Variants in ATR observed in about 807,000 individuals in gnomAD.
The protein encoded by ATR is ATR checkpoint kinase.
In ATR, 142 loss-of-function variants were observed where a neutral mutation model predicts 305.3. The observed-to-expected ratio is 0.47, with a 90% CI of 0.41 to 0.53. The LOEUF is 0.53. Ranked by LOEUF, ATR falls within the 20% of genes least tolerant of loss-of-function variation. The pLI is 0.00. For missense variants in ATR, 2,135 were observed against 3,133.1 expected (o/e 0.68, Z 7.60); for synonymous variants, 1,050 against 1,068.1 (o/e 0.98, Z 0.33).
intron 41 of ATR, 63 bp from the exon 42 acceptor site, chr3:142,462,153 C>CAAAT: frequency 6.9e-7 from 1 of 1,451,224 alleles, no homozygotes; most frequent in Non-Finnish European, 9.5e-7. Context: ...AATGTTATAT[C>CAAAT]AAATATATTT....
chr3:142,532,328 A>G (rs952748143), intron 21 of ATR, among the ~76,000 whole-genome samples: 1 of 152,172 alleles, frequency 6.6e-6, no homozygotes, highest in African/African-American at 2.4e-5. Context: ...CATTGCCATA[A>G]AAGTTTATTT....
At chr3:142,485,701 A>G (rs1338492954) in intron 35 of ATR, among the ~76,000 whole-genome samples, 1 of 152,224 alleles carries the variant, frequency 6.6e-6, no homozygotes, top group Non-Finnish European at 1.5e-5. Context: ...TCAAGTCTCT[A>G]AAGAGTGTAG....
chr3:142,503,257 A>G, intron 30 of ATR, 105 bp downstream of exon 30: 1 of 835,170 alleles, frequency 1.2e-6, no homozygotes. Context: ...ATGAAAACAC[A>G]TAAAACATTT....
rs139796606 is a variant in ATR, at chr3:142,534,449, G to C, written c.3945+631C>G. Among the ~76,000 whole-genome samples, 652 of 152,216 alleles carry C rather than the reference G, an allele frequency of 4.3e-3. 1 individual carries two copies. Among genetic ancestry groups the C allele is most frequent in the Admixed American group, 7.5e-3 (114 of 15,294 alleles). ...AAGGAAATATAACCCTTCCATTATA[G>C]AATGGTAATCCCAAAATTCATGAGG... On this transcript the variant is annotated intron_variant, in intron 21 of 46. Transcript: ENST00000350721.
At chr3:142,516,984 A>ATATATATATATATATATATATATAT (rs2032892222) in intron 24 of ATR, among the ~76,000 whole-genome samples, 43 of 139,104 alleles carry the variant, frequency 3.1e-4, no homozygotes, top group African/African-American at 1.0e-3. Context: ...ATACCCAAAT[A>ATATATATATATATATATATATATAT]ATATATATAT....
intron 45 of ATR, 28 bp from the exon 46 acceptor site, chr3:142,453,261 G>A: frequency 6.2e-7 from 1 of 1,604,378 alleles, no homozygotes; most frequent in Non-Finnish European, 8.5e-7. Context: ...ATTATGGTAT[G>A]ATGTTATCTT....
intron 34 of ATR, 127 bp downstream of exon 34, chr3:142,496,234 T>A (rs2031584565): frequency 4.5e-6 from 1 of 222,008 alleles, no homozygotes; most frequent in African/African-American, 2.5e-5. Flanking sequence ...TTGGATTAGT[T>A]ATGTTCTCTC....
At chr3:142,509,266 A>C (rs1192635405) in intron 27 of ATR, among the ~76,000 whole-genome samples, 25 of 152,054 alleles carry the variant, frequency 1.6e-4, no homozygotes, top group Non-Finnish European at 2.6e-4. Context: ...TCCTGGACTT[A>C]AGTGATCCTG....
intron 22 of ATR, among the ~76,000 whole-genome samples, chr3:142,523,242 A>G (rs2033229134): frequency 6.6e-6 from 1 of 152,134 alleles, no homozygotes; most frequent in African/African-American, 2.4e-5. Flanking sequence ...CAATATGGTG[A>G]AAGCCCATCT....
At chr3:142,484,361 C>CA (rs2030765125) in intron 36 of ATR, among the ~76,000 whole-genome samples, 1 of 152,092 alleles carries the variant, frequency 6.6e-6, no homozygotes, top group South Asian at 2.1e-4. Context: ...TTAAAAACCC[C>CA]ACAGGACAGA....
chr3:142,480,223 T>C (rs2030321996), intron 36 of ATR, among the ~76,000 whole-genome samples: 1 of 152,236 alleles, frequency 6.6e-6, no homozygotes, highest in East Asian at 1.9e-4. Flanking sequence ...TGGTTTTATC[T>C]ACCTTTGGTC....
chr3:142,559,782 A>G (rs2034810526), intron 6 of ATR, among the ~76,000 whole-genome samples: 1 of 152,154 alleles, frequency 6.6e-6, no homozygotes, highest in African/African-American at 2.4e-5. Flanking sequence ...GCACATGCCT[A>G]TAGTTCCAGC....
chr3:142,543,367 C>T (rs1046383118), intron 16 of ATR, among the ~76,000 whole-genome samples: 5 of 149,992 alleles, frequency 3.3e-5, no homozygotes, highest in Non-Finnish European at 5.9e-5. Flanking sequence ...TTCCTCCCTC[C>T]GTCCCTCTTT....
At chr3:142,505,924 G>T (rs2032211863) in intron 28 of ATR, among the ~76,000 whole-genome samples, 1 of 152,132 alleles carries the variant, frequency 6.6e-6, no homozygotes, top group Admixed American at 6.5e-5. Context: ...TAACTTGGAA[G>T]AAAACTGGAG....
At chr3:142,453,768 C>G (rs896204963) in intron 45 of ATR, among the ~76,000 whole-genome samples, 3 of 152,164 alleles carry the variant, frequency 2.0e-5, no homozygotes, top group African/African-American at 7.2e-5. Flanking sequence ...CCCATTTGCC[C>G]TAGACAAAAA....
chr3:142,526,945 T>C (rs191270247), intron 21 of ATR, among the ~76,000 whole-genome samples: 2 of 152,094 alleles, frequency 1.3e-5, no homozygotes, highest in African/African-American at 4.8e-5. Context: ...TGTGCCACCA[T>C]GCCTGGCTAA....
intron 35 of ATR, 61 bp downstream of exon 35, chr3:142,493,071 G>T: frequency 6.4e-7 from 1 of 1,568,862 alleles, no homozygotes; most frequent in South Asian, 1.2e-5. Flanking sequence ...TTGCCATATA[G>T]ACTTAAGTCA....
At chr3:142,460,653 G>A (rs754031131) in intron 42 of ATR, among the ~76,000 whole-genome samples, 5 of 151,964 alleles carry the variant, frequency 3.3e-5, no homozygotes, top group Non-Finnish European at 5.9e-5. Context: ...GTTTAAACTC[G>A]CTTAGTTTGC....
intron 38 of ATR, 117 bp downstream of exon 38, chr3:142,469,220 T>A: frequency 1.4e-6 from 1 of 698,704 alleles, no homozygotes; most frequent in East Asian, 2.8e-5. Context: ...TTAAAATTAC[T>A]AATCTAATAC....
Sources: allele counts gnomAD v4.1 joint callset (sites outside exome capture counted in the v4.1 genomes callset), GRCh38; gene constraint gnomAD v4.1.1; transcripts MANE v1.5; gene names NCBI Gene and HGNC (gene_info 2026-07-23, HGNC 2026-07-21).